The following AGBL5 variants were observed in gnomAD, a reference collection of about 807,000 sequenced individuals.
The protein encoded by AGBL5 is AGBL carboxypeptidase 5, also known as cytosolic carboxypeptidase-like protein 5.
In AGBL5, 51 loss-of-function variants were observed where a neutral mutation model predicts 88.0. The observed-to-expected ratio is 0.58, with a 90% CI of 0.46 to 0.73. The LOEUF is 0.73. Among genes scored for constraint, AGBL5 ranks in the 30% least tolerant of loss-of-function variants. The pLI is 0.00. For synonymous variants in AGBL5, 446 were observed against 438.8 expected (o/e 1.02, Z -0.21); for missense variants, 1,031 against 1,162.2 (o/e 0.89, Z 1.64).
rs1392825814 is a variant in AGBL5, at chr2:27,067,496, C to T, written c.2092C>T (p.Pro698Ser). The change falls in exon 12 of 15, where the codon CCC (proline) becomes TCC (serine). Residue 698 changes from proline (P) to serine (S), a missense_variant and splice_region_variant. Coordinates refer to ENST00000360131, the MANE Select transcript of AGBL5 (RefSeq NM_021831.6). ...CTGCTTGTATCTCTTCCACTCAGAG[C>T]CCCGAAGCCAGGACAGGAGACGGCA... is the stretch of plus-strand genomic sequence containing the variant. Reference protein sequence around the residue: ...THRVLGPVREPRSQDRRRQQQ... With the variant: ...THRVLGPVRESRSQDRRRQQQ... 35 of 1,613,600 alleles carry T rather than the reference C, an allele frequency of 2.2e-5. No individual in the cohort carries two copies. Among genetic ancestry groups the T allele is most frequent in the Non-Finnish European group, 2.9e-5 (34 of 1,179,754 alleles).
Position 27,068,718 on chromosome 2 carries a change from A to G in AGBL5, c.2329A>G (p.Met777Val). 6.2e-7 allele frequency: 1 copy of G among 1,614,164 alleles called. No individual in the cohort carries two copies. Among genetic ancestry groups the G allele is most frequent in the Non-Finnish European group, 8.5e-7 (1 of 1,180,022 alleles). Residue 777 changes from methionine (M) to valine (V), a missense_variant, in exon 13 of 15, where the codon ATG becomes GTG. Physicochemically the swap from Met to Val is conservative, Grantham distance 21. This residue lies in a region of AGBL5 where 491 missense variants were observed against 484.0 expected (regional missense o/e 1.01). Coordinates refer to ENST00000360131, the MANE Select transcript of AGBL5 (RefSeq NM_021831.6). ...AGGTCTGCTAGGGACTGGAGCTCGG[A>G]TGCCCTGCATCAAGACTCGATTGCA... ...GKGLLGTGAR[M>V]PCIKTRLQAR...
At chr2:27,052,047 A>AG (rs1295052394) in intron 1 of AGBL5, 1 of 152,286 alleles carries the variant, frequency 6.6e-6, no homozygotes, top group Non-Finnish European at 1.5e-5. Context: ...CACCCTGCCC[A>AG]GGGCAAGCCC....
At chr2:27,062,119 C>CTTTTT (rs11295283) in intron 11 of AGBL5, among the ~76,000 whole-genome samples, 1 of 88,848 alleles carries the variant, frequency 1.1e-5, no homozygotes. Context: ...CCATCTAGGC[C>CTTTTT]TTTTTTTTTT....
chr2:27,050,785 T>G (rs1346658643), upstream of AGBL5, among the ~76,000 whole-genome samples: 1 of 152,194 alleles, frequency 6.6e-6, no homozygotes, highest in Non-Finnish European at 1.5e-5. Flanking sequence ...AGCGGAGCCT[T>G]CGATAGCTCA....
chr2:27,062,649 A>G (rs1287693722), intron 11 of AGBL5: 4 of 152,218 alleles, frequency 2.6e-5, no homozygotes, highest in Non-Finnish European at 5.9e-5. Context: ...GCGCACAAAC[A>G]CTGTAAACAT....
chr2:27,054,127 T>G, intron 4 of AGBL5, 68 bp downstream of exon 4: 1 of 1,516,302 alleles, frequency 6.6e-7, no homozygotes, highest in Non-Finnish European at 8.9e-7. Flanking sequence ...ACTTCTGGAA[T>G]TTGCTCTTAG....
At chr2:27,055,321 T>C (rs1668374075) in intron 6 of AGBL5, 68 bp downstream of exon 6, 4 of 1,557,904 alleles carry the variant, frequency 2.6e-6, no homozygotes, top group Admixed American at 3.6e-5. Context: ...TCAGTGAAAT[T>C]CTGTCAGCCT....
At position 27,056,769 on chromosome 2, in the gene AGBL5, C is replaced by G; in HGVS notation, c.1512C>G (p.Tyr504Ter). The part of the protein sequence containing the change: ...SKEGSGRVAI[Y>*]KASGIIHSYT... ...AGGGAAGCGGCCGTGTTGCAATCTACAAAGCCTCAGGGATAATCCACAGGT... is the reference window on the plus strand; with the variant it reads ...AGGGAAGCGGCCGTGTTGCAATCTAGAAAGCCTCAGGGATAATCCACAGGT... Residue 504 changes from tyrosine to a stop codon, truncating the protein, a stop_gained, in exon 8 of 15, where the codon TAC (tyrosine) becomes TAG (stop). Coordinates refer to ENST00000360131, the MANE Select transcript of AGBL5 (RefSeq NM_021831.6). LOFTEE classifies it high-confidence loss of function. The G allele has an allele frequency of 6.2e-7, 1 of 1,612,226 alleles. No homozygotes were observed. The highest frequency in any genetic ancestry group is 8.5e-7 in the Non-Finnish European group (1 of 1,178,790).
At position 27,067,640 on chromosome 2, in the gene AGBL5, A is replaced by G. The variant is rs1024818150; in HGVS notation, c.2236A>G (p.Ile746Val). Residue 746 changes from isoleucine to valine, a missense_variant, in exon 12 of 15, where the codon ATA becomes GTA. Physicochemically the swap from Ile to Val is conservative, Grantham distance 29 (BLOSUM62 3). This residue lies in a region of AGBL5 where 491 missense variants were observed against 484.0 expected (regional missense o/e 1.01). Transcript: ENST00000360131. ...CTGTCTACTGCCTGATTCATTCAAC[A>G]TACCAGGTCTGTACCCACTGCCACT... ...GSCLLPDSFN[I>V]PGSSCSLLSS... 2.5e-6 allele frequency: 4 copies of G among 1,612,832 alleles called. No individual in the cohort carries two copies. In the African/African-American group the frequency reaches 4.0e-5, roughly 16 times the overall value.
At chr2:27,061,753 G>C (rs1668727447) in intron 11 of AGBL5, 1 of 151,864 alleles carries the variant, frequency 6.6e-6, no homozygotes, top group Non-Finnish European at 1.5e-5. Flanking sequence ...CTCCTTTCCT[G>C]ACTACAAAGG....
chr2:27,066,998 G>A (rs1669018285), intron 11 of AGBL5, among the ~76,000 whole-genome samples: 4 of 151,594 alleles, frequency 2.6e-5, no homozygotes, highest in South Asian at 2.1e-4. Context: ...CAGGAGAATC[G>A]CTTGAACCCG....
chr2:27,051,311 A>G (rs961027881), upstream of AGBL5: 1 of 152,224 alleles, frequency 6.6e-6, no homozygotes, highest in African/African-American at 2.4e-5. Flanking sequence ...CCGTCACACT[A>G]CAGAACACAA....
At chr2:27,069,302 C>G in intron 13 of AGBL5, 1 of 985,412 alleles carries the variant, frequency 1.0e-6, no homozygotes, top group Non-Finnish European at 1.2e-6. Context: ...TCTCTACTCA[C>G]CCAGACCTTA....
rs759576362 is a variant in AGBL5 at position 27,056,812 on chromosome 2, A to G, written c.1535+20A>G. The G allele has an allele frequency of 2.7e-5, 42 of 1,578,838 alleles. No homozygotes were observed. The highest frequency in any genetic ancestry group is 3.5e-5 in the Non-Finnish European group (40 of 1,158,286). On this transcript the variant is annotated intron_variant, in intron 8 of 14. Transcript: ENST00000360131. ...CCACAGGTTGGGTGGAAGCTGAGAT[A>G]TAGTTGATGAAATAGCTTCCCTAAA...
At chr2:27,051,280 T>C (rs1303022738), upstream of AGBL5, 1 of 152,174 alleles carries the variant, frequency 6.6e-6, no homozygotes, top group Admixed American at 6.5e-5. Flanking sequence ...GATGCCCGCA[T>C]CCTCCACTCA....
intron 11 of AGBL5, among the ~76,000 whole-genome samples, chr2:27,066,762 T>C (rs922565651): frequency 6.7e-6 from 1 of 150,214 alleles, no homozygotes; most frequent in Non-Finnish European, 1.5e-5. Flanking sequence ...CTGGGCAACA[T>C]GGCAAAACCC....
intron 11 of AGBL5, chr2:27,060,966 T>G (rs1471944549): frequency 6.6e-6 from 1 of 152,248 alleles, no homozygotes; most frequent in African/African-American, 2.4e-5. Context: ...GAGTGGTTTC[T>G]CCAAGATTGC....
rs1400662930 is a variant in AGBL5 at position 27,052,813 on chromosome 2, G to A, written c.-46-100G>A. The A allele has an allele frequency of 4.3e-5, 27 of 634,044 alleles. No homozygotes were observed. The Admixed American group carries it at 1.0e-3, about 23-fold the overall frequency. 39.3% of individuals were successfully genotyped at this position (634,044 alleles called of 1,614,324 possible). On this transcript the variant is annotated intron_variant, in intron 1 of 14. Coordinates refer to ENST00000360131, the MANE Select transcript of AGBL5 (RefSeq NM_021831.6). ...AGGGAGACAGCCTTTTGTTTCATAG[G>A]GCACTCCCTAAGAATAGCTCTTATT... is the stretch of plus-strand genomic sequence containing the variant.
chr2:27,068,329 C>T (rs574331376), intron 12 of AGBL5, among the ~76,000 whole-genome samples: 1 of 152,294 alleles, frequency 6.6e-6, no homozygotes, highest in African/African-American at 2.4e-5. Flanking sequence ...GTTGCTGCTC[C>T]ACCCCTTGGA....
Sources: allele counts gnomAD v4.1 joint callset (sites outside exome capture counted in the v4.1 genomes callset), GRCh38; gene constraint gnomAD v4.1.1; regional missense constraint gnomAD v4.1.1; transcripts MANE v1.5; gene names NCBI Gene and HGNC (gene_info 2026-07-23, HGNC 2026-07-21).